RALGAPA2: variants seen among roughly 807,000 people sequenced by gnomAD.
The protein encoded by RALGAPA2 is ral GTPase-activating protein subunit alpha-2.
A neutral mutation model predicts 230.4 loss-of-function variants in RALGAPA2; 139 were observed. The observed-to-expected ratio is 0.60, with a 90% CI of 0.53 to 0.69. RALGAPA2 has a LOEUF of 0.69. Ranked by LOEUF, RALGAPA2 falls within the 30% of genes least tolerant of loss-of-function variation. The pLI, the probability that RALGAPA2 is intolerant of heterozygous loss-of-function variation, is 0.00. For missense variants in RALGAPA2, 2,163 were observed against 2,276.0 expected (o/e 0.95, Z 1.01); for synonymous variants, 847 against 837.8 (o/e 1.01, Z -0.19).
rs553696825 is a variant in RALGAPA2 at position 20,575,305 on chromosome 20, A to G, written c.2708-2237T>C. ...CCAACAACATATTTGACAGCTCTAC[A>G]TGCTCAGGACTGAACTGAAGCAGAA... On this transcript the variant is annotated intron_variant, in intron 20 of 39. Transcript: ENST00000202677. 4.6e-5 allele frequency among the ~76,000 whole-genome samples: 7 copies of G among 152,154 alleles called. No individual in the cohort carries two copies. In the East Asian group the frequency reaches 1.4e-3, roughly 29 times the overall value.
At chr20:20,435,359 G>A (rs111942679) in intron 37 of RALGAPA2, among the ~76,000 whole-genome samples, 55 of 152,338 alleles carry the variant, frequency 3.6e-4, no homozygotes, top group South Asian at 1.2e-3. Flanking sequence ...GGCAGACAGC[G>A]CGTACTCTGC....
At chr20:20,638,397 C>T (rs6082077) in intron 7 of RALGAPA2, among the ~76,000 whole-genome samples, 8,071 of 152,182 alleles carry the variant, frequency 0.053, 293 homozygotes, top group East Asian at 0.16. Flanking sequence ...GCAGGGGCAG[C>T]GGGGTTCAGC....
At chr20:20,668,254 T>G (rs2068022387) in intron 3 of RALGAPA2, among the ~76,000 whole-genome samples, 1 of 151,982 alleles carries the variant, frequency 6.6e-6, no homozygotes, top group South Asian at 2.1e-4. Context: ...AATACAAAAA[T>G]TAGCCAGGCA....
intron 37 of RALGAPA2, among the ~76,000 whole-genome samples, chr20:20,454,475 C>G (rs772448772): frequency 2.8e-4 from 42 of 152,206 alleles, no homozygotes; most frequent in Non-Finnish European, 4.6e-4. Flanking sequence ...AAACTTGTCT[C>G]CCACATATTT....
chr20:20,639,144 T>G (rs895058179), intron 7 of RALGAPA2, among the ~76,000 whole-genome samples: 2 of 152,098 alleles, frequency 1.3e-5, no homozygotes, highest in South Asian at 4.1e-4. Context: ...AGAACATGAA[T>G]GAGGATGTGA....
At chr20:20,587,267 G>T (rs1210643346) in intron 18 of RALGAPA2, among the ~76,000 whole-genome samples, 1 of 152,090 alleles carries the variant, frequency 6.6e-6, no homozygotes, top group East Asian at 1.9e-4. Context: ...AGAAGGAAAA[G>T]GGAGAAAGAG....
intron 1 of RALGAPA2, among the ~76,000 whole-genome samples, chr20:20,697,226 C>T (rs2069150169): frequency 6.6e-6 from 1 of 152,092 alleles, no homozygotes. Flanking sequence ...TTCCATCAAA[C>T]TAGAAAAATA....
In RALGAPA2 at chr20:20,513,202, G is replaced by T; in HGVS notation, c.4167C>A (p.Tyr1389Ter). The T allele has an allele frequency of 1.3e-6, 2 of 1,523,732 alleles. No individual in the cohort carries two copies. The highest frequency in any genetic ancestry group is 2.3e-5 in the East Asian group (1 of 44,174). 94.4% of individuals were successfully genotyped at this position (1,523,732 alleles called of 1,614,324 possible). A position where few individuals can be genotyped will look rare whatever the true frequency, so the allele number is the denominator to read the frequency against. Reference protein sequence around the residue: ...MAHLVNHLGHYPLSGGPAILH... With the variant: ...MAHLVNHLGH Reference sequence around the variant, plus strand: ...GTATGGCAGGGCCCCCACTGAGGGGGTAGTGCCCCAGGTGGTTCACCAGGT... The same window carrying T: ...GTATGGCAGGGCCCCCACTGAGGGGTTAGTGCCCCAGGTGGTTCACCAGGT... Residue 1389 changes from tyrosine to a stop codon, truncating the protein, a stop_gained, in exon 32 of 40, where the codon TAC (tyrosine) becomes TAA (stop). Transcript: ENST00000202677. LOFTEE classifies it high-confidence loss of function.
At chr20:20,483,567 G>C (rs900990389) in intron 36 of RALGAPA2, among the ~76,000 whole-genome samples, 1 of 152,082 alleles carries the variant, frequency 6.6e-6, no homozygotes, top group Admixed American at 6.5e-5. Flanking sequence ...CAATCTGTAC[G>C]ACACCTGTGG....
chr20:20,558,564 C>T lies in RALGAPA2; in HGVS notation c.3157-11732G>A, dbSNP rs567733690. On this transcript the variant is annotated intron_variant, in intron 23 of 39. Coordinates refer to ENST00000202677, the MANE Select transcript of RALGAPA2 (RefSeq NM_020343.4). ...ATCTTCAAAATAAAGACAGGTCTTC[C>T]ACCAAAGCCATCTTCTTCGGAAATT... Among the ~76,000 whole-genome samples the T allele has an allele frequency of 1.1e-3, 166 of 152,092 alleles. 3 individuals are homozygous for T. The South Asian group carries it at 0.033, about 30-fold the overall frequency.
intron 10 of RALGAPA2, among the ~76,000 whole-genome samples, chr20:20,621,321 G>A (rs2066313651): frequency 6.6e-6 from 1 of 152,164 alleles, no homozygotes; most frequent in Admixed American, 6.5e-5. Flanking sequence ...GGACATGCTG[G>A]TACAGCAAGT....
Position 20,571,491 on chromosome 20 carries a change from A to C in RALGAPA2, c.3123T>G (p.Leu1041=), listed in dbSNP as rs2064631946. The change falls in exon 23 of 40, where the codon CTT becomes CTG. Residue 1041 remains leucine (L), a synonymous_variant. Transcript: ENST00000202677. ...PNSDFLVHFY[L]VMHLGLTSED... ...CGCTGGTTAATCCCAGGTGCATCAC[A>C]AGGTAAAAATGCACCAGGAAATCTG... 2 of 1,612,680 alleles carry C rather than the reference A, an allele frequency of 1.2e-6. No homozygotes were observed. Among genetic ancestry groups the C allele is most frequent in the African/African-American group, 2.7e-5 (2 of 74,906 alleles).
chr20:20,565,694 A>C (rs1003464036), intron 23 of RALGAPA2, among the ~76,000 whole-genome samples: 4 of 152,224 alleles, frequency 2.6e-5, no homozygotes, highest in Non-Finnish European at 5.9e-5. Context: ...AGTTAAATGA[A>C]AGCAAAATGT....
intron 1 of RALGAPA2, among the ~76,000 whole-genome samples, chr20:20,691,607 A>G (rs916483327): frequency 6.6e-6 from 1 of 152,150 alleles, no homozygotes; most frequent in African/African-American, 2.4e-5. Flanking sequence ...ACTCCCCGAC[A>G]CAGTGCTAAG....
chr20:20,634,205 T>G (rs6082075), intron 9 of RALGAPA2, among the ~76,000 whole-genome samples: 9,779 of 152,110 alleles, frequency 0.064, 393 homozygotes, highest in East Asian at 0.16. Flanking sequence ...TCTCATTCTC[T>G]TCTTCTTCCA....
At chr20:20,417,391 C>A (rs2060187701) in intron 37 of RALGAPA2, among the ~76,000 whole-genome samples, 1 of 152,218 alleles carries the variant, frequency 6.6e-6, no homozygotes, top group Non-Finnish European at 1.5e-5. Context: ...GTTCATGCTT[C>A]TTCCAGTTCC....
chr20:20,586,398 A>C (rs1294962393), intron 18 of RALGAPA2, among the ~76,000 whole-genome samples: 1 of 152,228 alleles, frequency 6.6e-6, no homozygotes, highest in East Asian at 1.9e-4. Flanking sequence ...AAATGTCATC[A>C]ATTTAGAAAT....
At chr20:20,581,476 C>G (rs909148595) in intron 20 of RALGAPA2, among the ~76,000 whole-genome samples, 2 of 152,112 alleles carry the variant, frequency 1.3e-5, no homozygotes, top group Non-Finnish European at 2.9e-5. Context: ...TAGCACTGCA[C>G]GTTGAGTCAA....
Position 20,465,197 on chromosome 20 carries a change from A to ACACACACACACACACACACACT in RALGAPA2, c.5495+7631_5495+7632insAGTGTGTGTGTGTGTGTGTGTG, listed in dbSNP as rs772089136. On this transcript the variant is annotated intron_variant, in intron 37 of 39. Transcript: ENST00000202677. ...CACACACACACACACACACACACAC[A>ACACACACACACACACACACACT]CTCTCTCATACTAGGGGACAGCAGC... Among the ~76,000 whole-genome samples, 18 of 147,434 alleles carry ACACACACACACACACACACACT rather than the reference A, an allele frequency of 1.2e-4. No individual in the cohort carries two copies. In the East Asian group the frequency reaches 1.9e-3, roughly 15 times the overall value.
Sources: gnomAD v4.1 joint callset for allele counts (sites outside exome capture counted in the v4.1 genomes callset) on GRCh38, gnomAD v4.1.1 for gene constraint, MANE v1.5 for transcripts, NCBI Gene and HGNC (gene_info 2026-07-23, HGNC 2026-07-21) for gene names.